The following DCHS2 variants were observed in gnomAD, a reference collection of about 807,000 sequenced individuals.
DCHS2 encodes the protein protocadherin-23.
A neutral mutation model predicts 182.4 loss-of-function variants in DCHS2; 142 were observed. The observed-to-expected ratio is 0.78, with a 90% CI of 0.68 to 0.89. The LOEUF (loss-of-function observed/expected upper bound fraction) is 0.89. Ranked by LOEUF, DCHS2 falls within the 40% of genes least tolerant of loss-of-function variation. The pLI is 0.00. For missense variants in DCHS2, 4,319 were observed against 4,198.6 expected, an observed-to-expected ratio of 1.03 and a Z score of -0.79; for synonymous variants, 1,740 against 1,663.3, an observed-to-expected ratio of 1.05 and a Z score of -1.12.
intron 1 of DCHS2, among the ~76,000 whole-genome samples, chr4:154,466,206 A>C (rs1234090672): frequency 2.0e-5 from 3 of 152,186 alleles, no homozygotes; most frequent in African/African-American, 7.2e-5. Context: ...AAGCAAGACA[A>C]AATTGTGATC....
intron 1 of DCHS2, among the ~76,000 whole-genome samples, chr4:154,382,875 GT>G (rs1164445845): frequency 2.0e-5 from 3 of 152,128 alleles, no homozygotes; most frequent in Non-Finnish European, 4.4e-5. Flanking sequence ...ATGAAGAAAA[GT>G]GGACACTTAA....
chr4:154,302,057 T>C (rs1265246561), intron 12 of DCHS2, among the ~76,000 whole-genome samples: 3 of 152,200 alleles, frequency 2.0e-5, no homozygotes, highest in Admixed American at 1.3e-4. Flanking sequence ...TATCCACATA[T>C]TTTAATTGTA....
intron 13 of DCHS2, among the ~76,000 whole-genome samples, chr4:154,285,697 T>C (rs1328508213): frequency 6.6e-6 from 1 of 152,172 alleles, no homozygotes; most frequent in Non-Finnish European, 1.5e-5. Flanking sequence ...TCTTGTGGCT[T>C]GGGTGCCAGC....
Position 154,449,381 on chromosome 4 carries a change from CT to C in DCHS2, c.2052+39922del, listed in dbSNP as rs869264293. Among the ~76,000 whole-genome samples, 1,342 of 144,572 alleles carry C rather than the reference CT, an allele frequency of 9.3e-3. 15 individuals carry two copies. The highest frequency in any genetic ancestry group is 0.028 in the African/African-American group (1,128 of 39,656). 94.8% of individuals were successfully genotyped at this position (144,572 alleles called of 152,430 possible). On this transcript the variant is annotated intron_variant, in intron 1 of 19. Transcript: ENST00000357232. ...TGAGTAAATAAGTTTTTTAATTAAT[CT>C]TTTTTTTTTTTAGACAGTGTTCCTG...
chr4:154,282,449 C>T (rs988117216), intron 13 of DCHS2, among the ~76,000 whole-genome samples: 4 of 151,580 alleles, frequency 2.6e-5, no homozygotes, highest in Non-Finnish European at 4.4e-5. Flanking sequence ...AAAATCAAAA[C>T]CACAAGATAT....
At chr4:154,433,480 T>C (rs1733649198) in intron 1 of DCHS2, among the ~76,000 whole-genome samples, 1 of 137,960 alleles carries the variant, frequency 7.2e-6, no homozygotes, top group South Asian at 2.4e-4. Context: ...CTGCAACCTC[T>C]GCTTCCCGTG....
At chr4:154,318,174 C>A (rs1442891096) in intron 9 of DCHS2, among the ~76,000 whole-genome samples, 1 of 151,686 alleles carries the variant, frequency 6.6e-6, no homozygotes, top group African/African-American at 2.4e-5. Flanking sequence ...AAAGTTAGTT[C>A]TCCAAATACA....
chr4:154,236,533 C>T lies in DCHS2; in HGVS notation c.8119G>A (p.Gly2707Arg), dbSNP rs1259578534. 5.0e-6 allele frequency: 8 copies of T among 1,613,866 alleles called. No individual in the cohort carries two copies. Among genetic ancestry groups the T allele is most frequent in the Non-Finnish European group, 6.8e-6 (8 of 1,179,944 alleles). Reference protein sequence around the residue: ...HAEIIYNIISGNEKGHFYLEE... With the variant: ...HAEIIYNIISRNEKGHFYLEE... ...AAGTAAAAATGTCCCTTCTCATTTCCAGAGATGATGTTGTAGATGATTTCT... is the reference window on the plus strand; with the variant it reads ...AAGTAAAAATGTCCCTTCTCATTTCTAGAGATGATGTTGTAGATGATTTCT... Residue 2707 changes from glycine to arginine, a missense_variant, in exon 20 of 20, where the codon GGA becomes AGA. Gly to Arg is a moderately radical substitution (Grantham distance 125). Transcript: ENST00000357232.
intron 3 of DCHS2, among the ~76,000 whole-genome samples, chr4:154,355,002 C>T (rs1729794109): frequency 1.3e-5 from 2 of 151,974 alleles, no homozygotes; most frequent in Admixed American, 6.6e-5. Flanking sequence ...ATTAAAATTC[C>T]TAGTTATTAT....
intron 11 of DCHS2, 57 bp from the exon 12 acceptor site, chr4:154,304,935 T>G: frequency 6.5e-7 from 1 of 1,538,770 alleles, no homozygotes; most frequent in African/African-American, 1.4e-5. Context: ...ACCTAAAATA[T>G]GTTGTTCTAA....
At chr4:154,290,709 T>C (rs1269767956) in intron 13 of DCHS2, among the ~76,000 whole-genome samples, 1 of 152,076 alleles carries the variant, frequency 6.6e-6, no homozygotes, top group Non-Finnish European at 1.5e-5. Flanking sequence ...CTTCAACAAA[T>C]GGTGCTGGAA....
chr4:154,259,582 A>T lies in DCHS2; in HGVS notation c.6752T>A (p.Val2251Glu), dbSNP rs758107445. ...AGCATTGTAGAGTTGGCTTTCAGAC[A>T]CTGATGCCTGGTAAATGCTTTGTTC... ...CFEQSIYQAS[V>E]SESQLYNAHV... Residue 2251 changes from valine to glutamate, a missense_variant, in exon 15 of 20, where the codon GTG (valine) becomes GAG (glutamate). Transcript: ENST00000357232. 6 of 1,613,842 alleles carry T rather than the reference A, an allele frequency of 3.7e-6. No homozygotes were observed. In the East Asian group the frequency reaches 8.9e-5, roughly 24 times the overall value.
intron 1 of DCHS2, among the ~76,000 whole-genome samples, chr4:154,387,208 T>C (rs1731460253): frequency 6.6e-6 from 1 of 152,208 alleles, no homozygotes; most frequent in Non-Finnish European, 1.5e-5. Context: ...TTCTACTACT[T>C]AATTATTGTC....
chr4:154,275,374 G>A (rs370852917), intron 13 of DCHS2, among the ~76,000 whole-genome samples: 3 of 151,994 alleles, frequency 2.0e-5, no homozygotes, highest in South Asian at 2.1e-4. Context: ...ATTTCCAAAC[G>A]GTTATTCTTT....
At chr4:154,451,305 G>A (rs1203316103) in intron 1 of DCHS2, among the ~76,000 whole-genome samples, 1 of 152,170 alleles carries the variant, frequency 6.6e-6, no homozygotes, top group African/African-American at 2.4e-5. Context: ...TCCCTTTTGA[G>A]AAATAGCCTT....
chr4:154,394,078 A>G (rs1731827269), intron 1 of DCHS2, among the ~76,000 whole-genome samples: 1 of 152,128 alleles, frequency 6.6e-6, no homozygotes, highest in Non-Finnish European at 1.5e-5. Flanking sequence ...CAGTAATCAC[A>G]GGTAAAGAGG....
intron 9 of DCHS2, among the ~76,000 whole-genome samples, chr4:154,317,743 T>G (rs2111328798): frequency 6.6e-6 from 1 of 152,224 alleles, no homozygotes; most frequent in East Asian, 1.9e-4. Flanking sequence ...TCCATCAAAC[T>G]ACATAAAAAA....
chr4:154,254,044 T>C (rs1343477059), intron 16 of DCHS2, among the ~76,000 whole-genome samples: 1 of 152,194 alleles, frequency 6.6e-6, no homozygotes. Context: ...AATTATCCTA[T>C]GACCCTGAGC....
At chr4:154,452,397 G>A (rs1017912915) in intron 1 of DCHS2, among the ~76,000 whole-genome samples, 1 of 152,012 alleles carries the variant, frequency 6.6e-6, no homozygotes, top group Non-Finnish European at 1.5e-5. Context: ...GCCCAGGCGG[G>A]TGGATCGCCT....
Sources: allele counts gnomAD v4.1 joint callset (sites outside exome capture counted in the v4.1 genomes callset), GRCh38; gene constraint gnomAD v4.1.1; transcripts MANE v1.5; gene names NCBI Gene and HGNC (gene_info 2026-07-23, HGNC 2026-07-21).